Variants in STX8 observed in about 807,000 individuals in gnomAD.
STX8 encodes the protein syntaxin 8, also known as syntaxin-8.
STX8 carries 23 observed loss-of-function variants against 37.5 expected under a neutral mutation model. The observed-to-expected ratio is 0.61, with a 90% CI of 0.44 to 0.87. The LOEUF (loss-of-function observed/expected upper bound fraction) is 0.87. Among genes scored for constraint, STX8 ranks in the 40% least tolerant of loss-of-function variants. The pLI is 0.00. For synonymous variants in STX8, 115 were observed against 99.1 expected, an observed-to-expected ratio of 1.16 and a Z score of -0.95; for missense variants, 313 against 284.7, an observed-to-expected ratio of 1.10 and a Z score of -0.71.
At chr17:9,408,651 C>T (rs1024914393) in intron 6 of STX8, among the ~76,000 whole-genome samples, 15 of 152,166 alleles carry the variant, frequency 9.9e-5, no homozygotes, top group African/African-American at 3.6e-4. Flanking sequence ...AGGGCTCTGG[C>T]CTACGTGTTT....
At chr17:9,517,329 G>A (rs1032060647) in intron 4 of STX8, among the ~76,000 whole-genome samples, 1 of 151,986 alleles carries the variant, frequency 6.6e-6, no homozygotes, top group Non-Finnish European at 1.5e-5. Flanking sequence ...AATGGACACT[G>A]AAAGAAAAAC....
chr17:9,436,600 A>G (rs755117845), intron 6 of STX8, among the ~76,000 whole-genome samples: 35 of 152,340 alleles, frequency 2.3e-4, no homozygotes, highest in Non-Finnish European at 4.6e-4. Context: ...ATCATTCAGG[A>G]TAACAATTAC....
chr17:9,452,368 T>C (rs1178956352), intron 6 of STX8: 1 of 107,004 alleles, frequency 9.3e-6, no homozygotes, highest in African/African-American at 4.4e-5. Flanking sequence ...TTACCAAAAA[T>C]AGAAAAAAAA....
rs569501137 is a variant in STX8, at chr17:9,530,073, T to C, written c.323+15099A>G. ...CTGTAATCCCAGCACTTTGGGAGGCTAAGGCGGGCGGTTCATGAGGTCAGG... is the reference window on the plus strand; with the variant it reads ...CTGTAATCCCAGCACTTTGGGAGGCCAAGGCGGGCGGTTCATGAGGTCAGG... On this transcript the variant is annotated intron_variant, in intron 4 of 7. Coordinates refer to ENST00000306357, the MANE Select transcript of STX8 (RefSeq NM_004853.3). Among the ~76,000 whole-genome samples, 10 of 152,198 alleles carry C rather than the reference T, an allele frequency of 6.6e-5. 1 individual carries two copies. The South Asian group carries it at 1.7e-3, about 25-fold the overall frequency.
intron 6 of STX8, among the ~76,000 whole-genome samples, chr17:9,414,577 T>A (rs139694685): frequency 6.6e-6 from 1 of 151,966 alleles, no homozygotes; most frequent in Admixed American, 6.6e-5. Flanking sequence ...TGAAGTCGAG[T>A]TGACAGAGTA....
intron 6 of STX8, among the ~76,000 whole-genome samples, chr17:9,423,618 C>A (rs1247384466): frequency 1.3e-5 from 2 of 152,168 alleles, no homozygotes; most frequent in Non-Finnish European, 1.5e-5. Flanking sequence ...ACCACCGTGC[C>A]CGGCCAAATG....
Position 9,568,400 on chromosome 17 carries a change from A to G in STX8, c.88T>C (p.Tyr30His), listed in dbSNP as rs1218885528. The G allele has an allele frequency of 6.2e-7, 1 of 1,612,268 alleles. No individual in the cohort carries two copies. The highest frequency in any genetic ancestry group is 8.5e-7 in the Non-Finnish European group (1 of 1,179,696). The change falls in exon 2 of 8, where the codon TAT becomes CAT. Residue 30 changes from tyrosine (Y) to histidine (H), a missense_variant. By Grantham distance (83) the Tyr-to-His change is moderately conservative. Transcript: ENST00000306357. ...GGTGCCTTTTCACCTTTTCTTTCATATTGATTTCGTTGTTGAATTTTCTCA... is the reference window on the plus strand; with the variant it reads ...GGTGCCTTTTCACCTTTTCTTTCATGTTGATTTCGTTGTTGAATTTTCTCA... ...IAEKIQQRNQYERKGEKAPKL... is the reference protein window; with the variant it reads ...IAEKIQQRNQHERKGEKAPKL...
intron 7 of STX8, among the ~76,000 whole-genome samples, chr17:9,372,283 AAGTTT>A (rs149135380): frequency 0.066 from 10,071 of 151,820 alleles, 433 homozygotes; most frequent in East Asian, 0.21. Context: ...CCCCCATGGT[AAGTTT>A]AGTTCTGGTT....
chr17:9,562,113 A>AG (rs1228817718), intron 2 of STX8, among the ~76,000 whole-genome samples: 1 of 151,438 alleles, frequency 6.6e-6, no homozygotes, highest in Non-Finnish European at 1.5e-5. Context: ...TAAAAAAAAA[A>AG]AAACTTTCGG....
chr17:9,295,253 T>C (rs1908472875), intron 7 of STX8, among the ~76,000 whole-genome samples: 1 of 152,188 alleles, frequency 6.6e-6, no homozygotes. Context: ...GAAGGGATCT[T>C]ATCTTAGAAC....
At chr17:9,394,553 T>C (rs1464655715) in intron 6 of STX8, among the ~76,000 whole-genome samples, 2 of 151,188 alleles carry the variant, frequency 1.3e-5, no homozygotes, top group Non-Finnish European at 2.9e-5. Flanking sequence ...TTAGTAGAGA[T>C]GGGGTTTCAC....
At chr17:9,288,244 A>T (rs1372248565) in intron 7 of STX8, among the ~76,000 whole-genome samples, 1 of 152,056 alleles carries the variant, frequency 6.6e-6, no homozygotes, top group Non-Finnish European at 1.5e-5. Flanking sequence ...AACAGAAGAA[A>T]ATGTGAAAGA....
chr17:9,273,653 CAAAG>C (rs1451964489), intron 7 of STX8, among the ~76,000 whole-genome samples: 1 of 152,254 alleles, frequency 6.6e-6, no homozygotes, highest in African/African-American at 2.4e-5. Context: ...TTTGTCTTCG[CAAAG>C]AAAGAATCTA....
chr17:9,504,801 T>C (rs1597713663), intron 5 of STX8, among the ~76,000 whole-genome samples: 1 of 151,446 alleles, frequency 6.6e-6, no homozygotes, highest in African/African-American at 2.4e-5. Flanking sequence ...GGTGAAACCC[T>C]GTCTGTACTA....
Position 9,250,633 on chromosome 17 carries a change from A to C in STX8, c.656T>G (p.Val219Gly). Residue 219 changes from valine (V) to glycine (G), a missense_variant, in exon 8 of 8, where the codon GTG (valine) becomes GGG (glycine). Physicochemically the swap from Val to Gly is moderately radical, Grantham distance 109 (BLOSUM62 -3). Coordinates refer to ENST00000306357, the MANE Select transcript of STX8 (RefSeq NM_004853.3). The stretch of plus-strand genomic sequence containing the variant: ...GATAGCCACAAGCAGCAGTAAAATC[A>C]CCATGATCATCCCTGGAAAAAAGCA... ...RKSASCGMIM[V>G]ILLLLVAIVV... 1.3e-6 allele frequency: 2 copies of C among 1,598,538 alleles called. No homozygotes were observed. Among genetic ancestry groups the C allele is most frequent in the Admixed American group, 1.7e-5 (1 of 57,394 alleles).
chr17:9,559,756 A>ATTTTTT (rs1214621506), intron 2 of STX8, among the ~76,000 whole-genome samples: 24 of 31,132 alleles, frequency 7.7e-4, no homozygotes, highest in African/African-American at 1.7e-3. Flanking sequence ...ATATATATAT[A>ATTTTTT]TATATTTTTT....
At chr17:9,418,840 G>A (rs867212928) in intron 6 of STX8, among the ~76,000 whole-genome samples, 86 of 54,068 alleles carry the variant, frequency 1.6e-3, no homozygotes, top group African/African-American at 3.1e-3. Flanking sequence ...AAAAAAAAAA[G>A]GGGGGGGGGA....
chr17:9,421,239 G>C (rs183464516), intron 6 of STX8, among the ~76,000 whole-genome samples: 1 of 151,438 alleles, frequency 6.6e-6, no homozygotes, highest in Non-Finnish European at 1.5e-5. Flanking sequence ...CTAAATATAC[G>C]AAATTAGCCG....
intron 7 of STX8, among the ~76,000 whole-genome samples, chr17:9,304,735 A>T (rs535424252): frequency 6.6e-6 from 1 of 152,064 alleles, no homozygotes; most frequent in African/African-American, 2.4e-5. Context: ...CGAGACTGTG[A>T]GGCGATAGTC....
Sources: gnomAD v4.1 joint callset for allele counts (sites outside exome capture counted in the v4.1 genomes callset) on GRCh38, gnomAD v4.1.1 for gene constraint, MANE v1.5 for transcripts, NCBI Gene and HGNC (gene_info 2026-07-23, HGNC 2026-07-21) for gene names.